FAM222B: variants seen among roughly 807,000 people sequenced by gnomAD.
The protein encoded by FAM222B is family with sequence similarity 222 member B, also known as protein FAM222B.
FAM222B carries 12 observed loss-of-function variants against 38.0 expected under a neutral mutation model. The observed-to-expected ratio is 0.32, with a 90% confidence interval of 0.20 to 0.51. FAM222B has a LOEUF of 0.51. Among genes scored for constraint, FAM222B ranks in the 20% least tolerant of loss-of-function variants. The pLI is 0.97. For missense variants in FAM222B, 716 were observed against 754.2 expected (o/e 0.95, Z 0.59); for synonymous variants, 329 against 317.2 (o/e 1.04, Z -0.40).
At chr17:28,821,419 A>G (rs912531155) in intron 1 of FAM222B, among the ~76,000 whole-genome samples, 4 of 152,202 alleles carry the variant, frequency 2.6e-5, no homozygotes, top group Non-Finnish European at 5.9e-5. Context: ...TTTAACTTGC[A>G]AAAGTGTTTT....
intron 1 of FAM222B, among the ~76,000 whole-genome samples, chr17:28,797,994 C>G (rs748627634): frequency 1.3e-5 from 2 of 152,084 alleles, no homozygotes; most frequent in African/African-American, 2.4e-5. Context: ...GGGGTGGAGG[C>G]TGCAAGGAGC....
rs148736193 is a variant in FAM222B at position 28,801,152 on chromosome 17, G to A, written c.-40-34445C>T. On this transcript the variant is annotated intron_variant, in intron 1 of 2. Transcript: ENST00000581407. ...AGCTTGGACGACAGAGCGAGACTCC[G>A]TCTCAAAGAAAAAAAAAAAGACCAG... 2.8e-3 allele frequency among the ~76,000 whole-genome samples: 362 copies of A among 129,730 alleles called. 1 individual carries two copies. Among genetic ancestry groups the A allele is most frequent in the Middle Eastern group, 6.8e-3 (1 of 148 alleles). The allele number at this position is 129,730 out of a possible 152,430, so 85.1% of individuals were successfully genotyped here.
intron 1 of FAM222B, among the ~76,000 whole-genome samples, chr17:28,818,109 A>G: frequency 6.6e-6 from 1 of 152,234 alleles, no homozygotes; most frequent in East Asian, 1.9e-4. Flanking sequence ...TTATACTTCT[A>G]GCTACTTGGG....
intron 1 of FAM222B, among the ~76,000 whole-genome samples, chr17:28,804,029 T>C (rs2037360955): frequency 1.3e-5 from 2 of 151,908 alleles, no homozygotes; most frequent in Non-Finnish European, 2.9e-5. Flanking sequence ...CATTTCAGTA[T>C]CAAAAGCTAG....
chr17:28,778,670 ATT>A (rs377460299), intron 1 of FAM222B, among the ~76,000 whole-genome samples: 72 of 87,130 alleles, frequency 8.3e-4, no homozygotes, highest in African/African-American at 1.9e-3. Context: ...TGCCTAGCTA[ATT>A]TTTTTTTTGT....
intron 1 of FAM222B, among the ~76,000 whole-genome samples, chr17:28,801,991 AAC>A (rs1381514681): frequency 6.6e-6 from 1 of 151,394 alleles, no homozygotes; most frequent in Non-Finnish European, 1.5e-5. Context: ...GATCCTCAAA[AAC>A]ACTTTGCTGA....
chr17:28,843,790 G>A (rs188669902), upstream of FAM222B, among the ~76,000 whole-genome samples: 2 of 152,096 alleles, frequency 1.3e-5, no homozygotes, highest in East Asian at 3.9e-4. Context: ...AGAATGTATC[G>A]GGGGTAATTA....
chr17:28,806,813 G>A lies in FAM222B; in HGVS notation c.-41+35869C>T, dbSNP rs566521415. On this transcript the variant is annotated intron_variant, in intron 1 of 2. Transcript: ENST00000581407. ...AATAGGGTTCCTGAAATTTCTTGGA[G>A]AAAATAATAAGCTATATTAGAAATT... Among the ~76,000 whole-genome samples the A allele has an allele frequency of 3.9e-5, 6 of 152,130 alleles. 1 individual carries two copies. In the South Asian group the frequency reaches 1.2e-3, roughly 31 times the overall value.
chr17:28,772,435 CAG>C (rs891563409), intron 1 of FAM222B, among the ~76,000 whole-genome samples: 15 of 151,838 alleles, frequency 9.9e-5, no homozygotes, highest in South Asian at 2.1e-4. Flanking sequence ...ATAGAAAGAA[CAG>C]AGAGAGGCCG....
intron 1 of FAM222B, among the ~76,000 whole-genome samples, chr17:28,851,493 C>T (rs2039180566): frequency 6.6e-6 from 1 of 151,948 alleles, no homozygotes; most frequent in African/African-American, 2.4e-5. Context: ...AAGATCATGC[C>T]ATTGCACTCC....
At chr17:28,832,943 G>A (rs901518399) in intron 1 of FAM222B, among the ~76,000 whole-genome samples, 3 of 149,028 alleles carry the variant, frequency 2.0e-5, no homozygotes, top group African/African-American at 7.4e-5. Flanking sequence ...GGCTGAGCCA[G>A]GAGGATCACT....
intron 1 of FAM222B, among the ~76,000 whole-genome samples, chr17:28,852,138 C>T (rs916425528): frequency 9.9e-5 from 15 of 151,544 alleles, no homozygotes; most frequent in Admixed American, 4.0e-4. Flanking sequence ...GAGGCCAAGG[C>T]GGGTGGATCA....
upstream of FAM222B, among the ~76,000 whole-genome samples, chr17:28,846,917 T>C (rs570830607): frequency 6.6e-6 from 1 of 151,996 alleles, no homozygotes; most frequent in East Asian, 1.9e-4. Context: ...TGAGACTCTG[T>C]CTCTGCAAAA....
intron 1 of FAM222B, among the ~76,000 whole-genome samples, chr17:28,783,916 A>G (rs1482589989): frequency 6.6e-6 from 1 of 151,484 alleles, no homozygotes; most frequent in South Asian, 2.1e-4. Flanking sequence ...CTCCTGCCTC[A>G]GGCTCCCAAG....
intron 1 of FAM222B, among the ~76,000 whole-genome samples, chr17:28,769,292 C>A (rs1453350531): frequency 6.7e-6 from 1 of 149,848 alleles, no homozygotes; most frequent in African/African-American, 2.4e-5. Context: ...CATTCTCCTG[C>A]CTCAGCCTCC....
At chr17:28,830,497 A>G (rs1324080019) in intron 1 of FAM222B, among the ~76,000 whole-genome samples, 1 of 152,042 alleles carries the variant, frequency 6.6e-6, no homozygotes, top group East Asian at 1.9e-4. Flanking sequence ...CTGATACATA[A>G]TTGGCGAACA....
At chr17:28,799,828 G>A (rs1355393728) in intron 1 of FAM222B, among the ~76,000 whole-genome samples, 3 of 152,022 alleles carry the variant, frequency 2.0e-5, no homozygotes, top group Non-Finnish European at 4.4e-5. Context: ...GGCTGGTCTT[G>A]AACTCCTAGG....
In FAM222B at chr17:28,797,305, G is replaced by C. The variant is rs558795768; in HGVS notation, c.-40-30598C>G. On this transcript the variant is annotated intron_variant, in intron 1 of 2. Transcript: ENST00000581407. ...GCCACAGCGGCTGGCTGGCTATTGC[G>C]ATTTTGAGGTGAGATGATGAAGATC... is the stretch of plus-strand genomic sequence containing the variant. 3.3e-5 allele frequency among the ~76,000 whole-genome samples: 5 copies of C among 152,142 alleles called. No homozygotes were observed. The East Asian group carries it at 9.6e-4, about 29-fold the overall frequency.
intron 1 of FAM222B, among the ~76,000 whole-genome samples, chr17:28,833,244 G>A (rs534893399): frequency 6.6e-6 from 1 of 151,866 alleles, no homozygotes; most frequent in South Asian, 2.1e-4. Context: ...AGGAAGTGGA[G>A]GTTGCAGTGA....
Sources: gnomAD v4.1 joint callset for allele counts (sites outside exome capture counted in the v4.1 genomes callset) on GRCh38, gnomAD v4.1.1 for gene constraint, MANE v1.5 for transcripts, NCBI Gene and HGNC (gene_info 2026-07-23, HGNC 2026-07-21) for gene names.